NRDC: variants seen among roughly 807,000 people sequenced by gnomAD.
The protein encoded by NRDC is nardilysin.
In NRDC, 54 loss-of-function variants were observed where a neutral mutation model predicts 147.1. That is an observed-to-expected ratio of 0.37 (90% CI 0.29 to 0.46). The LOEUF (loss-of-function observed/expected upper bound fraction) is 0.46. Ranked by LOEUF, NRDC falls within the 20% of genes least tolerant of loss-of-function variation. The probability of loss-of-function intolerance (pLI) is 1.00; values close to 1 mark genes in which losing one functional copy is unlikely to be tolerated. For synonymous variants in NRDC, 440 were observed against 482.1 expected (o/e 0.91, Z 1.14); for missense variants, 1,082 against 1,370.6 (o/e 0.79, Z 3.33).
At chr1:51,824,284 C>T (rs1167447744) in intron 6 of NRDC, among the ~76,000 whole-genome samples, 2 of 152,092 alleles carry the variant, frequency 1.3e-5, no homozygotes, top group Non-Finnish European at 2.9e-5. Flanking sequence ...AGCCACCACA[C>T]CCAGCTAATT....
intron 6 of NRDC, 40 bp downstream of exon 6, chr1:51,825,247 C>A: frequency 8.1e-7 from 1 of 1,229,820 alleles, no homozygotes; most frequent in African/African-American, 1.5e-5. Context: ...TAAATCTTAA[C>A]TAGAAAATAT....
intron 1 of NRDC, among the ~76,000 whole-genome samples, chr1:51,856,736 G>A (rs1682262045): frequency 6.6e-6 from 1 of 152,058 alleles, no homozygotes; most frequent in Non-Finnish European, 1.5e-5. Context: ...TCCAAGGATA[G>A]GGTGGGACGC....
chr1:51,809,490 A>T lies in NRDC; in HGVS notation c.1904-89T>A, dbSNP rs1679614513. The T allele has an allele frequency of 2.3e-5, 20 of 879,858 alleles. No homozygotes were observed. In the South Asian group the frequency reaches 2.4e-4, roughly 11 times the overall value. 54.5% of individuals were successfully genotyped at this position (879,858 alleles called of 1,614,324 possible). A position where few individuals can be genotyped will look rare whatever the true frequency, so the allele number is the denominator to read the frequency against. On this transcript the variant is annotated intron_variant, in intron 16 of 30. Transcript: ENST00000352171. ...AAACTAGTTATCAACTGGCTTACAA[A>T]TCAATTATCCTTTCTCAGGAATACT...
In NRDC at chr1:51,789,414, T is replaced by G; in HGVS notation, c.3278A>C (p.Tyr1093Ser). ...AGGGGTACCATCCTCTTCCAGTTCA[T>G]ACTTCCCATATCCAACAACCTGAAA... is the stretch of plus-strand genomic sequence containing the variant. The part of the protein sequence containing the change: ...LSVHVVGYGK[Y>S]ELEEDGTPSS... Residue 1093 changes from tyrosine to serine, a missense_variant, in exon 31 of 31, where the codon TAT becomes TCT. Physicochemically the swap from Tyr to Ser is moderately radical, Grantham distance 144. Coordinates refer to ENST00000352171, the MANE Select transcript of NRDC (RefSeq NM_001101662.2). The G allele has an allele frequency of 6.2e-7, 1 of 1,614,072 alleles. No individual in the cohort carries two copies. The highest frequency in any genetic ancestry group is 8.5e-7 in the Non-Finnish European group (1 of 1,179,976).
intron 22 of NRDC, among the ~76,000 whole-genome samples, chr1:51,796,484 C>T (rs1678919368): frequency 6.6e-6 from 1 of 152,108 alleles, no homozygotes; most frequent in Non-Finnish European, 1.5e-5. Flanking sequence ...AAGCAATCTG[C>T]CTGCCTCAGC....
chr1:51,874,988 C>T (rs958714999), intron 1 of NRDC, among the ~76,000 whole-genome samples: 1 of 152,158 alleles, frequency 6.6e-6, no homozygotes, highest in African/African-American at 2.4e-5. Flanking sequence ...ATGCTATGTA[C>T]TGTAATGGAT....
chr1:51,858,604 T>G (rs775907334), intron 1 of NRDC, among the ~76,000 whole-genome samples: 6 of 152,188 alleles, frequency 3.9e-5, no homozygotes, highest in Non-Finnish European at 8.8e-5. Context: ...GATAAAATGT[T>G]GATAAAATGT....
intron 20 of NRDC, among the ~76,000 whole-genome samples, chr1:51,802,454 T>C (rs1679255515): frequency 6.6e-6 from 1 of 152,236 alleles, no homozygotes; most frequent in South Asian, 2.1e-4. Flanking sequence ...CCATGGTTTG[T>C]ATTTTTAATA....
At position 51,789,500 on chromosome 1, in the gene NRDC, G is replaced by GAT. The variant is rs948230644; in HGVS notation, c.3258+66_3258+67dup. 9.5e-5 allele frequency: 151 copies of GAT among 1,593,406 alleles called. 4 individuals are homozygous for GAT. In the Middle Eastern group the frequency reaches 6.8e-3, roughly 72 times the overall value. On this transcript the variant is annotated intron_variant, in intron 30 of 30. Coordinates refer to ENST00000352171, the MANE Select transcript of NRDC (RefSeq NM_001101662.2). Reference sequence around the variant, plus strand: ...GATTTAGGGGTTTAAGAGTTCTGATGATAACCACCCAAACTCACTCAGTAA... The same window carrying GAT: ...GATTTAGGGGTTTAAGAGTTCTGATGATATAACCACCCAAACTCACTCAGTAA...
At chr1:51,836,440 T>G in intron 2 of NRDC, 1 of 1,612,934 alleles carries the variant, frequency 6.2e-7, no homozygotes, top group Non-Finnish European at 8.5e-7. Flanking sequence ...GGTGCAGACC[T>G]AAGGAAAAAA....
chr1:51,790,623 C>T lies in NRDC; in HGVS notation c.3078G>A (p.Glu1026=), dbSNP rs780488955. 4.3e-6 allele frequency: 7 copies of T among 1,613,700 alleles called. No individual in the cohort carries two copies. Among genetic ancestry groups the T allele is most frequent in the African/African-American group, 2.7e-5 (2 of 74,914 alleles). The change falls in exon 29 of 31, where the codon GAG becomes GAA. Residue 1026 remains glutamate, a synonymous_variant. Transcript: ENST00000352171. ...CCTCCCCAAGGTGGGTATCCTCACACTCCTTCAGCTTGATGAGAGCTGTGA... is the reference window on the plus strand; with the variant it reads ...CCTCCCCAAGGTGGGTATCCTCACATTCCTTCAGCTTGATGAGAGCTGTGA... ...TQVTALIKLK[E]CEDTHLGEEV...
In NRDC at chr1:51,840,208, AACAGACATG is replaced by A; in HGVS notation, c.630+9_630+17del. ...CCAAAGAATTCCCAAATTAGAAGAAAACAGACATGACTCGCACCTGTTTTTCAGTAGTTT... is the reference window on the plus strand; with the variant it reads ...CCAAAGAATTCCCAAATTAGAAGAAAACTCGCACCTGTTTTTCAGTAGTTT... On this transcript the variant is annotated intron_variant, in intron 2 of 30. Coordinates refer to ENST00000352171, the MANE Select transcript of NRDC (RefSeq NM_001101662.2). 6.4e-7 allele frequency: 1 copy of A among 1,564,938 alleles called. No individual in the cohort carries two copies. The highest frequency in any genetic ancestry group is 1.2e-5 in the South Asian group (1 of 81,412).
Position 51,812,071 on chromosome 1 carries a change from T to C in NRDC, c.1702A>G (p.Met568Val). Reference sequence around the variant, plus strand: ...GGGTACAGCTGCATGTTCTCACACATGTTTTCCACATACTCAACTGGATCT... The same window carrying C: ...GGGTACAGCTGCATGTTCTCACACACGTTTTCCACATACTCAACTGGATCT... Reference protein sequence around the residue: ...QTDPVEYVENMCENMQLYPLQ... With the variant: ...QTDPVEYVENVCENMQLYPLQ... Residue 568 changes from methionine to valine, a missense_variant, in exon 15 of 31, where the codon ATG becomes GTG. Coordinates refer to ENST00000352171, the MANE Select transcript of NRDC (RefSeq NM_001101662.2). The C allele has an allele frequency of 1.9e-6, 3 of 1,613,814 alleles. No homozygotes were observed. In the South Asian group the frequency reaches 3.3e-5, roughly 18 times the overall value.
intron 1 of NRDC, among the ~76,000 whole-genome samples, chr1:51,866,164 G>C (rs966867456): frequency 6.6e-6 from 1 of 152,276 alleles, no homozygotes; most frequent in East Asian, 1.9e-4. Flanking sequence ...CTAGGTTACA[G>C]TAAGCTATGA....
chr1:51,868,996 C>T (rs1372488299), intron 1 of NRDC, among the ~76,000 whole-genome samples: 2 of 152,070 alleles, frequency 1.3e-5, no homozygotes, highest in African/African-American at 4.8e-5. Context: ...CTGGAGTGTA[C>T]CGGTGTGATC....
chr1:51,792,280 T>G lies in NRDC; in HGVS notation c.2823+97A>C, dbSNP rs1366763635. On this transcript the variant is annotated intron_variant, in intron 25 of 30. Coordinates refer to ENST00000352171, the MANE Select transcript of NRDC (RefSeq NM_001101662.2). Reference sequence around the variant, plus strand: ...CCATCTCACCTTCAAATCACAGATCTCTGACTACCCCATGTCCCTAACCCA... The same window carrying G: ...CCATCTCACCTTCAAATCACAGATCGCTGACTACCCCATGTCCCTAACCCA... 4 of 1,389,764 alleles carry G rather than the reference T, an allele frequency of 2.9e-6. No homozygotes were observed. In the African/African-American group the frequency reaches 5.7e-5, roughly 20 times the overall value. 86.1% of individuals were successfully genotyped at this position (1,389,764 alleles called of 1,614,324 possible).
chr1:51,818,197 G>T, intron 9 of NRDC, 62 bp from the exon 10 acceptor site: 1 of 1,079,008 alleles, frequency 9.3e-7, no homozygotes, highest in Non-Finnish European at 1.3e-6. Flanking sequence ...TTTACTACAA[G>T]AATGTTTAAA....
At chr1:51,875,874 CT>C (rs373201824) in intron 1 of NRDC, among the ~76,000 whole-genome samples, 101 of 151,918 alleles carry the variant, frequency 6.6e-4, no homozygotes, top group African/African-American at 2.2e-3. Flanking sequence ...TTTTATGTGT[CT>C]GTGTCCCTCT....
intron 1 of NRDC, among the ~76,000 whole-genome samples, chr1:51,851,864 G>GC (rs1681967032): frequency 6.6e-6 from 1 of 152,178 alleles, no homozygotes; most frequent in African/African-American, 2.4e-5. Context: ...TCCAGGAACA[G>GC]CAGTGGTAAA....
Sources: gnomAD v4.1 joint callset for allele counts (sites outside exome capture counted in the v4.1 genomes callset) on GRCh38, gnomAD v4.1.1 for gene constraint, MANE v1.5 for transcripts, NCBI Gene and HGNC (gene_info 2026-07-23, HGNC 2026-07-21) for gene names.